The following LRP1B variants were observed in gnomAD, a reference collection of about 807,000 sequenced individuals.
The protein encoded by LRP1B is low-density lipoprotein receptor-related protein 1B.
In LRP1B, 217 loss-of-function variants were observed where a neutral mutation model predicts 556.6. The ratio of observed to expected loss-of-function variants is 0.39; its 90% CI spans 0.35 to 0.44. LRP1B has a LOEUF of 0.44. Among genes scored for constraint, LRP1B ranks in the 20% least tolerant of loss-of-function variants. The probability of loss-of-function intolerance (pLI) is 1.00; values close to 1 mark genes in which losing one functional copy is unlikely to be tolerated. For missense variants in LRP1B, 5,053 were observed against 5,620.8 expected, an observed-to-expected ratio of 0.90 and a Z score of 3.23; for synonymous variants, 2,047 against 1,865.8, an observed-to-expected ratio of 1.10 and a Z score of -2.50.
intron 7 of LRP1B, among the ~76,000 whole-genome samples, chr2:141,151,792 A>G (rs985395113): frequency 3.3e-5 from 5 of 152,090 alleles, no homozygotes; most frequent in African/African-American, 1.2e-4. Flanking sequence ...AGTTGTTTCC[A>G]TTTCTAACTT....
intron 77 of LRP1B, among the ~76,000 whole-genome samples, chr2:140,337,445 C>A (rs1267859358): frequency 6.6e-6 from 1 of 151,690 alleles, no homozygotes; most frequent in Non-Finnish European, 1.5e-5. Flanking sequence ...CTAGCCAAAC[C>A]AAAAAATCAT....
intron 1 of LRP1B, among the ~76,000 whole-genome samples, chr2:141,816,509 T>A (rs1265571377): frequency 2.0e-5 from 3 of 152,158 alleles, no homozygotes; most frequent in Non-Finnish European, 4.4e-5. Flanking sequence ...TGCCAGGGAC[T>A]CTCAGGCCGT....
intron 3 of LRP1B, among the ~76,000 whole-genome samples, chr2:141,457,026 G>A (rs1283423442): frequency 6.6e-6 from 1 of 152,198 alleles, no homozygotes; most frequent in Admixed American, 6.5e-5. Context: ...AGATTGGAAT[G>A]AGTTAGATCA....
chr2:141,365,688 T>C (rs571855089), intron 3 of LRP1B, among the ~76,000 whole-genome samples: 3 of 106,534 alleles, frequency 2.8e-5, no homozygotes, highest in African/African-American at 9.9e-5. Context: ...AGTCTCGCTC[T>C]GTTGCCCGGG....
intron 20 of LRP1B, among the ~76,000 whole-genome samples, chr2:140,945,902 G>T (rs1286648676): frequency 6.6e-6 from 1 of 152,044 alleles, no homozygotes; most frequent in African/African-American, 2.4e-5. Context: ...AAAATAAACT[G>T]CCAACAGAGT....
At chr2:140,664,466 AG>A (rs760549126) in intron 41 of LRP1B, among the ~76,000 whole-genome samples, 2 of 152,206 alleles carry the variant, frequency 1.3e-5, no homozygotes, top group Non-Finnish European at 2.9e-5. Flanking sequence ...AAAAAGATAA[AG>A]AAAAAAATTA....
At chr2:141,515,456 A>G (rs922710732) in intron 2 of LRP1B, among the ~76,000 whole-genome samples, 1 of 152,218 alleles carries the variant, frequency 6.6e-6, no homozygotes, top group Non-Finnish European at 1.5e-5. Flanking sequence ...CAAATAATTC[A>G]ATAAGGTGAT....
chr2:141,502,539 G>A (rs1423770654), intron 2 of LRP1B, among the ~76,000 whole-genome samples: 4 of 152,078 alleles, frequency 2.6e-5, no homozygotes, highest in African/African-American at 9.7e-5. Context: ...TAGCCTATGG[G>A]AAACTGTTTC....
intron 2 of LRP1B, among the ~76,000 whole-genome samples, chr2:141,650,558 G>T (rs569016871): frequency 6.6e-6 from 1 of 152,306 alleles, no homozygotes; most frequent in South Asian, 2.1e-4. Context: ...GATTAGGATA[G>T]GGAAGAGGCA....
intron 3 of LRP1B, among the ~76,000 whole-genome samples, chr2:141,462,618 A>G (rs972536336): frequency 6.6e-6 from 1 of 152,172 alleles, no homozygotes; most frequent in East Asian, 1.9e-4. Context: ...TATGTAATAA[A>G]TCTGCACGTT....
At chr2:140,836,426 T>A (rs1186030511) in intron 31 of LRP1B, among the ~76,000 whole-genome samples, 2 of 152,214 alleles carry the variant, frequency 1.3e-5, no homozygotes, top group Non-Finnish European at 2.9e-5. Context: ...ACAAAAAGAA[T>A]GTTTTATGTG....
chr2:141,720,702 G>T (rs1692779228), intron 2 of LRP1B, among the ~76,000 whole-genome samples: 1 of 152,032 alleles, frequency 6.6e-6, no homozygotes, highest in South Asian at 2.1e-4. Flanking sequence ...TTCATCATCA[G>T]AATTTTGGCT....
Position 140,356,414 on chromosome 2 carries a change from G to T in LRP1B, c.11458C>A (p.Gln3820Lys). ...NPCGDDAYCN[Q>K]IKTSVFCRCK... ...CGACAGAAAACAGATGTTTTTATTT[G>T]ATTACAATATGCATCATCTCCACAT... The change falls in exon 75 of 91, where the codon CAA becomes AAA. Residue 3820 changes from glutamine to lysine, a missense_variant. By Grantham distance (53) the Gln-to-Lys change is moderately conservative. Coordinates refer to ENST00000389484, the MANE Select transcript of LRP1B (RefSeq NM_018557.3). 1 of 1,609,138 alleles carries T rather than the reference G, an allele frequency of 6.2e-7. No homozygotes were observed. The highest frequency in any genetic ancestry group is 1.1e-5 in the South Asian group (1 of 90,920).
rs146692838 is a variant in LRP1B, at chr2:141,861,198, C to T, written c.83-50797G>A. Among the ~76,000 whole-genome samples the T allele has an allele frequency of 4.5e-4, 68 of 152,230 alleles. 1 individual carries two copies. The East Asian group carries it at 0.012, about 27-fold the overall frequency. On this transcript the variant is annotated intron_variant, in intron 1 of 90. Coordinates refer to ENST00000389484, the MANE Select transcript of LRP1B (RefSeq NM_018557.3). ...CTTTGGCCCTATTTGACAAGTTCAT[C>T]CATGGCCACAACTTCAACTGCCTTC... is the stretch of plus-strand genomic sequence containing the variant.
intron 85 of LRP1B, among the ~76,000 whole-genome samples, chr2:140,273,672 A>C (rs1404785247): frequency 6.6e-6 from 1 of 152,016 alleles, no homozygotes; most frequent in Non-Finnish European, 1.5e-5. Flanking sequence ...ACTCCCAAGC[A>C]AGGCAAGTGA....
Position 141,585,422 on chromosome 2 carries a change from C to CGTGTGTGTGT in LRP1B, c.206-104899_206-104890dup, listed in dbSNP as rs3041302. ...GTGCTTGTGAGTGTCCTGAAATAAT[C>CGTGTGTGTGT]GTGTGTGTGTGTGTGTGTGTGTGTG... On this transcript the variant is annotated intron_variant, in intron 2 of 90. Transcript: ENST00000389484. 2.9e-3 allele frequency among the ~76,000 whole-genome samples: 371 copies of CGTGTGTGTGT among 129,258 alleles called. 2 individuals carry two copies. The highest frequency in any genetic ancestry group is 4.5e-3 in the African/African-American group (155 of 34,512). The allele number at this position is 129,258 out of a possible 152,430, so 84.8% of individuals were successfully genotyped here. A position where few individuals can be genotyped will look rare whatever the true frequency, so the allele number is the denominator to read the frequency against.
intron 3 of LRP1B, among the ~76,000 whole-genome samples, chr2:141,329,385 T>TTAAA (rs1473407968): frequency 3.1e-5 from 1 of 32,046 alleles, no homozygotes; most frequent in Non-Finnish European, 6.4e-5. Flanking sequence ...CAAAACTCCG[T>TTAAA]CAAAAAAAAA....
intron 3 of LRP1B, among the ~76,000 whole-genome samples, chr2:141,409,528 G>A (rs554560050): frequency 9.2e-5 from 14 of 152,054 alleles, no homozygotes; most frequent in South Asian, 6.2e-4. Context: ...ACCCTGGCCC[G>A]TAACACACTC....
At chr2:141,718,537 T>C (rs1055813423) in intron 2 of LRP1B, among the ~76,000 whole-genome samples, 1 of 152,172 alleles carries the variant, frequency 6.6e-6, no homozygotes, top group Non-Finnish European at 1.5e-5. Context: ...TACTCTCAGG[T>C]ACTTAATGGC....
Sources: allele counts gnomAD v4.1 joint callset (sites outside exome capture counted in the v4.1 genomes callset), GRCh38; gene constraint gnomAD v4.1.1; transcripts MANE v1.5; gene names NCBI Gene and HGNC (gene_info 2026-07-23, HGNC 2026-07-21).